CYP2D6: variants seen among roughly 807,000 people sequenced by gnomAD.
The protein encoded by CYP2D6 is cytochrome P450 2D6.
CYP2D6 carries 51 observed loss-of-function variants against 43.5 expected under a neutral mutation model. That is an observed-to-expected ratio of 1.17 (90% CI 0.94 to 1.48). The LOEUF is 1.48. Among genes scored for constraint, CYP2D6 ranks in the 40% most tolerant of loss-of-function variants. CYP2D6 has a pLI of 0.00. For missense variants in CYP2D6, 698 were observed against 688.0 expected, an observed-to-expected ratio of 1.01 and a Z score of -0.16; for synonymous variants, 346 against 297.1, an observed-to-expected ratio of 1.16 and a Z score of -1.69.
In CYP2D6 at chr22:42,128,200, C is replaced by CA. The variant is rs368858603; in HGVS notation, c.816dup (p.Glu273Ter). Reference sequence around the variant, plus strand: ...TTCTCCATCTCTGCCAGGAAGGCCTCAGTCAGGTCTCGGGGGGGCTGGGCT... The same window carrying CA: ...TTCTCCATCTCTGCCAGGAAGGCCTCAAGTCAGGTCTCGGGGGGGCTGGGCT... On this transcript the variant is annotated frameshift_variant, in exon 5 of 9. Coordinates refer to ENST00000645361, the MANE Select transcript of CYP2D6 (RefSeq NM_000106.6). LOFTEE classifies it high-confidence loss of function. The CA allele has an allele frequency of 2.1e-5, 33 of 1,609,046 alleles. 2 individuals carry two copies. In the African/African-American group the frequency reaches 4.1e-4, roughly 20 times the overall value.
intron 5 of CYP2D6, 25 bp downstream of exon 5, chr22:42,128,149 C>T (rs1340063508): frequency 1.3e-6 from 2 of 1,593,234 alleles, no homozygotes; most frequent in Admixed American, 3.5e-5. Flanking sequence ...CCACCCTTGC[C>T]CCCCACCGTG....
rs28371703 is a variant in CYP2D6, at chr22:42,129,819, G to T, written c.271C>A (p.Leu91Met). 0.15 allele frequency: 230,329 copies of T among 1,535,588 alleles called. 31,027 individuals are homozygous for T. The highest frequency in any genetic ancestry group is 0.18 in the Non-Finnish European group (197,088 of 1,114,866). ...GCGGTGTCCTCGCCGTGGGTCACCA[G>T]CGCCTCGCGCACGGCCGCCAGCCCA... Reference protein sequence around the residue: ...LNGLAAVREALVTHGEDTADR... With the variant: ...LNGLAAVREAMVTHGEDTADR... Residue 91 changes from leucine to methionine, a missense_variant, in exon 2 of 9, where the codon CTG becomes ATG. By Grantham distance (15) the Leu-to-Met change is conservative. Around this residue, in one of 5 missense-constraint regions of CYP2D6, gnomAD observed 588 missense variants for 521.1 expected, o/e 1.13. Transcript: ENST00000645361.
At chr22:42,129,668 C>T in intron 2 of CYP2D6, 70 bp downstream of exon 2, 13 of 1,590,244 alleles carry the variant, frequency 8.2e-6, no homozygotes, top group Non-Finnish European at 1.1e-5. Context: ...CCCTCTCTGC[C>T]CAGCTCGGAC....
Position 42,127,660 on chromosome 22 carries a change from G to A in CYP2D6, c.986-26C>T, listed in dbSNP as rs535258214. The A allele has an allele frequency of 1.8e-5, 29 of 1,607,168 alleles. 3 individuals carry two copies. The African/African-American group carries it at 3.4e-4, about 19-fold the overall frequency. Reference sequence around the variant, plus strand: ...CTGGACAGACATGCGTCCCCACAATGGGTCAGCACCCAGGGGGTCCGGCCC... The same window carrying A: ...CTGGACAGACATGCGTCCCCACAATAGGTCAGCACCCAGGGGGTCCGGCCC... On this transcript the variant is annotated intron_variant, in intron 6 of 8. Coordinates refer to ENST00000645361, the MANE Select transcript of CYP2D6 (RefSeq NM_000106.6).
rs1022514878 is a variant in CYP2D6 at position 42,129,528 on chromosome 22, G to A, written c.352+210C>T. On this transcript the variant is annotated intron_variant, in intron 2 of 8. Coordinates refer to ENST00000645361, the MANE Select transcript of CYP2D6 (RefSeq NM_000106.6). ...GCCTCACCCATTGGGCTCCTGCCAG[G>A]TCTCGGCAGTGGCCCCGCCCACTCG... The A allele has an allele frequency of 1.3e-4, 100 of 762,910 alleles. 4 individuals carry two copies. In the African/African-American group the frequency reaches 1.6e-3, roughly 13 times the overall value. 47.3% of individuals were successfully genotyped at this position (762,910 alleles called of 1,614,324 possible).
rs544383427 is a variant in CYP2D6, at chr22:42,127,137, C to T, written c.1174-145G>A. On this transcript the variant is annotated intron_variant, in intron 7 of 8. Coordinates refer to ENST00000645361, the MANE Select transcript of CYP2D6 (RefSeq NM_000106.6). ...TGCGCCCGAGAAGCTCCACAGTACC[C>T]TCTCCGACCCCACAGCAGGGCGCAG... 37 of 1,107,838 alleles carry T rather than the reference C, an allele frequency of 3.3e-5. No homozygotes were observed. The African/African-American group carries it at 5.8e-4, about 17-fold the overall frequency. 68.6% of individuals were successfully genotyped at this position (1,107,838 alleles called of 1,614,324 possible).
rs2146944440 is a variant in CYP2D6 at position 42,130,705 on chromosome 22, C to T, written c.87G>A (p.Trp29Ter). 3.1e-6 allele frequency: 5 copies of T among 1,604,708 alleles called. No homozygotes were observed. Among genetic ancestry groups the T allele is most frequent in the Non-Finnish European group, 4.3e-6 (5 of 1,175,246 alleles). ...GGGGGCCTGGTGGGTAGCGTGCAGC[C>T]CAGCGTTGGCGCCGGTGCATCAGGT... ...LVDLMHRRQR[W>*]AARYPPGPLP... The change falls in exon 1 of 9, where the codon TGG (tryptophan) becomes TGA (stop). Residue 29 changes from tryptophan to a stop codon, truncating the protein, a stop_gained. Coordinates refer to ENST00000645361, the MANE Select transcript of CYP2D6 (RefSeq NM_000106.6). LOFTEE classifies it high-confidence loss of function.
Position 42,127,232 on chromosome 22 carries a change from G to C in CYP2D6, c.1173+215C>G, listed in dbSNP as rs919919160. Among the ~76,000 whole-genome samples the C allele has an allele frequency of 4.6e-5, 7 of 151,592 alleles. 1 individual carries two copies. Among genetic ancestry groups the C allele is most frequent in the Admixed American group, 1.3e-4 (2 of 15,236 alleles). On this transcript the variant is annotated intron_variant, in intron 7 of 8. Transcript: ENST00000645361. The stretch of plus-strand genomic sequence containing the variant: ...CGTTGGGTCCTCCAACATTCTGGCA[G>C]GTCCTGGTTTGTCTCCCCACTAGAC...
At chr22:42,129,649 G>C (rs28439001) in intron 2 of CYP2D6, 89 bp downstream of exon 2, 2 of 1,546,724 alleles carry the variant, frequency 1.3e-6, no homozygotes, top group East Asian at 2.3e-5. Flanking sequence ...TCATGTCCAC[G>C]ACCCCGCGCC....
chr22:42,129,344 C>G (rs914923025), intron 2 of CYP2D6, 159 bp from the exon 3 acceptor site: 8 of 1,076,346 alleles, frequency 7.4e-6, no homozygotes, highest in African/African-American at 4.7e-5. Context: ...GCTCCCTTGG[C>G]TGGGGCAGGG....
intron 2 of CYP2D6, 36 bp from the exon 3 acceptor site, chr22:42,129,221 A>T: frequency 6.3e-7 from 1 of 1,594,754 alleles, no homozygotes; most frequent in African/African-American, 1.3e-5. Context: ...GTGGCCATGA[A>T]GGCATTAGCC....
intron 7 of CYP2D6, 69 bp downstream of exon 7, chr22:42,127,378 G>C (rs772567842): frequency 8.1e-6 from 11 of 1,349,838 alleles, no homozygotes; most frequent in Non-Finnish European, 1.2e-5. Context: ...GGCCCACCTG[G>C]CAGTAGCCAT....
intron 2 of CYP2D6, 112 bp from the exon 3 acceptor site, chr22:42,129,297 A>T (rs267608306): frequency 1.5e-6 from 2 of 1,352,572 alleles, no homozygotes; most frequent in Admixed American, 3.9e-5. Context: ...GGCTCTGTCC[A>T]GCTGGTCACA....
At position 42,130,751 on chromosome 22, in the gene CYP2D6, G is replaced by A. The variant is rs745794582; in HGVS notation, c.41C>T (p.Ala14Val). Reference protein sequence around the residue: ...EALVPLAVIVAIFLLLVDLMH... With the variant: ...EALVPLAVIVVIFLLLVDLMH... ...CAGGTCCACCAGGAGCAGGAAGATG[G>A]CCACTATCACGGCCAGGGGCACCAG... Residue 14 changes from alanine (A) to valine (V), a missense_variant, in exon 1 of 9, where the codon GCC (alanine) becomes GTC (valine). Ala to Val is a moderately conservative substitution (Grantham distance 64). Transcript: ENST00000645361. 6.3e-7 allele frequency: 1 copy of A among 1,593,312 alleles called. No homozygotes were observed. The highest frequency in any genetic ancestry group is 1.1e-5 in the South Asian group (1 of 88,070).
chr22:42,128,054 T>G, intron 5 of CYP2D6, 71 bp from the exon 6 acceptor site: 1 of 1,602,788 alleles, frequency 6.2e-7, no homozygotes, highest in South Asian at 1.1e-5. Context: ...TCTGCACCTG[T>G]CAGCCCAGAT....
In CYP2D6 at chr22:42,127,922, A is replaced by T; in HGVS notation, c.905T>A (p.Leu302Gln). Residue 302 changes from leucine (L) to glutamine (Q), a missense_variant, in exon 6 of 9, where the codon CTG (leucine) becomes CAG (glutamine). By Grantham distance (113) the Leu-to-Gln change is moderately radical. This residue lies in a region of CYP2D6 where 588 missense variants were observed against 521.1 expected (regional missense o/e 1.13). Coordinates refer to ENST00000645361, the MANE Select transcript of CYP2D6 (RefSeq NM_000106.6). ...DENLRIVVAD[L>Q]FSAGMVTTST... ...GGTGGTCACCATCCCGGCAGAGAAC[A>T]GGTCAGCCACCACTATGCGCAGGTT... 1 of 1,611,090 alleles carries T rather than the reference A, an allele frequency of 6.2e-7. No individual in the cohort carries two copies. Among genetic ancestry groups the T allele is most frequent in the Non-Finnish European group, 8.5e-7 (1 of 1,178,098 alleles).
chr22:42,126,578 C>G lies in CYP2D6; in HGVS notation c.1490G>C (p.Arg497Pro), dbSNP rs1440526469. Residue 497 changes from arginine (R) to proline (P), a missense_variant, in exon 9 of 9, where the codon CGC becomes CCC. This residue lies in a region of CYP2D6 where 85 missense variants were observed against 81.2 expected (regional missense o/e 1.05). Coordinates refer to ENST00000645361, the MANE Select transcript of CYP2D6 (RefSeq NM_000106.6). ...CTGGGGACTAGGTACCCCATTCTAG[C>G]GGGGCACAGCACAAAGCTCATAGGG... ...PSPYELCAVP[R>P] is the part of the protein sequence containing the mutation. 8 of 1,578,130 alleles carry G rather than the reference C, an allele frequency of 5.1e-6. No individual in the cohort carries two copies. The highest frequency in any genetic ancestry group is 6.9e-6 in the Non-Finnish European group (8 of 1,161,146).
rs755518310 is a variant in CYP2D6 at position 42,128,864 on chromosome 22, C to T, written c.586G>A (p.Glu196Lys). 13 of 1,602,748 alleles carry T rather than the reference C, an allele frequency of 8.1e-6. No homozygotes were observed. Among genetic ancestry groups the T allele is most frequent in the South Asian group, 3.4e-5 (3 of 89,406 alleles). Residue 196 changes from glutamate (E) to lysine (K), a missense_variant, in exon 4 of 9, where the codon GAG becomes AAG. This residue lies in a region of CYP2D6 where 588 missense variants were observed against 521.1 expected (regional missense o/e 1.13). Coordinates refer to ENST00000645361, the MANE Select transcript of CYP2D6 (RefSeq NM_000106.6). ...IASLTCGRRF[E>K]YDDPRFLRLL... is the part of the protein sequence containing the mutation. Reference sequence around the variant, plus strand: ...CTGAGGAAGCGAGGGTCGTCGTACTCGAAGCGGCGCCCGCAGGTGAGGGAG... The same window carrying T: ...CTGAGGAAGCGAGGGTCGTCGTACTTGAAGCGGCGCCCGCAGGTGAGGGAG...
At chr22:42,130,084 G>A (rs1931836010) in intron 1 of CYP2D6, 175 bp from the exon 2 acceptor site, 2 of 674,820 alleles carry the variant, frequency 3.0e-6, no homozygotes, top group East Asian at 2.7e-5. Context: ...CTGTGATGGA[G>A]GAACTCAGTT....
Sources: gnomAD v4.1 joint callset for allele counts (sites outside exome capture counted in the v4.1 genomes callset) on GRCh38, gnomAD v4.1.1 for gene constraint, gnomAD v4.1.1 regional missense constraint, MANE v1.5 for transcripts, NCBI Gene and HGNC (gene_info 2026-07-23, HGNC 2026-07-21) for gene names.